The following DOK6 variants were observed in gnomAD, a reference collection of about 807,000 sequenced individuals.
DOK6 encodes the protein docking protein 6, also known as downstream of tyrosine kinase 6.
Under a neutral mutation model 44.0 loss-of-function variants are expected in DOK6, and 22 were observed. The observed-to-expected ratio is 0.50, with a 90% CI of 0.36 to 0.71. The LOEUF is 0.71. DOK6 is among the 30% of genes least tolerant of loss of function. DOK6 has a pLI of 0.00. For synonymous variants in DOK6, 166 were observed against 145.5 expected, an observed-to-expected ratio of 1.14 and a Z score of -1.01; for missense variants, 340 against 416.4, an observed-to-expected ratio of 0.82 and a Z score of 1.60.
intron 4 of DOK6, among the ~76,000 whole-genome samples, chr18:69,681,709 A>G (rs1986049293): frequency 6.6e-6 from 1 of 152,216 alleles, no homozygotes; most frequent in Admixed American, 6.5e-5. Flanking sequence ...TACTGACCAT[A>G]AAAAATATTA....
Position 69,642,262 on chromosome 18 carries a change from A to T in DOK6, c.290-35472A>T, listed in dbSNP as rs192271293. Among the ~76,000 whole-genome samples the T allele has an allele frequency of 3.5e-3, 538 of 152,330 alleles. 2 individuals carry two copies. Among genetic ancestry groups the T allele is most frequent in the African/African-American group, 0.012 (510 of 41,574 alleles). Reference sequence around the variant, plus strand: ...ACCATGATCACAACCAACATATTTAATACTGATAAAAGAATACAGGTACAT... The same window carrying T: ...ACCATGATCACAACCAACATATTTATTACTGATAAAAGAATACAGGTACAT... On this transcript the variant is annotated intron_variant, in intron 3 of 7. Coordinates refer to ENST00000382713, the MANE Select transcript of DOK6 (RefSeq NM_152721.6).
chr18:69,583,797 T>C (rs1023011783), intron 2 of DOK6, among the ~76,000 whole-genome samples: 1 of 150,180 alleles, frequency 6.7e-6, no homozygotes, highest in Non-Finnish European at 1.5e-5. Flanking sequence ...TATTATTCAA[T>C]TGACCTTAAA....
chr18:69,798,767 A>G (rs759733149), intron 7 of DOK6, among the ~76,000 whole-genome samples: 29 of 151,680 alleles, frequency 1.9e-4, no homozygotes, highest in Non-Finnish European at 2.4e-4. Flanking sequence ...TTAGAAATAA[A>G]TGTTCTGCAT....
At chr18:69,729,971 G>A (rs1978349781) in intron 5 of DOK6, among the ~76,000 whole-genome samples, 1 of 152,138 alleles carries the variant, frequency 6.6e-6, no homozygotes, top group African/African-American at 2.4e-5. Flanking sequence ...TTAAGATGAT[G>A]GGAAGGACAA....
intron 1 of DOK6, among the ~76,000 whole-genome samples, chr18:69,529,857 G>C (rs940181818): frequency 1.3e-5 from 2 of 152,026 alleles, no homozygotes; most frequent in Non-Finnish European, 2.9e-5. Flanking sequence ...CTTCAAAATT[G>C]TATCAAATGT....
intron 7 of DOK6, among the ~76,000 whole-genome samples, chr18:69,830,878 ACTT>A (rs1568138983): frequency 2.0e-5 from 3 of 152,164 alleles, no homozygotes; most frequent in Admixed American, 2.0e-4. Flanking sequence ...CCTAGGTCTG[ACTT>A]CTTCTGCACT....
chr18:69,660,248 G>T (rs1361134688), intron 3 of DOK6: 3 of 152,144 alleles, frequency 2.0e-5, no homozygotes, highest in Non-Finnish European at 4.4e-5. Flanking sequence ...TGCATAGATT[G>T]TTCATAACTC....
chr18:69,534,925 T>C (rs1241968272), intron 1 of DOK6, among the ~76,000 whole-genome samples: 1 of 152,114 alleles, frequency 6.6e-6, no homozygotes, highest in African/African-American at 2.4e-5. Context: ...TCACTTCTGC[T>C]TTCTGGCTGT....
At chr18:69,653,435 G>C (rs903547567) in intron 3 of DOK6, among the ~76,000 whole-genome samples, 7 of 152,258 alleles carry the variant, frequency 4.6e-5, no homozygotes, top group African/African-American at 1.7e-4. Flanking sequence ...TGCTTCCCGA[G>C]GTACTTGCCG....
chr18:69,665,995 C>T (rs1323430432), intron 3 of DOK6, among the ~76,000 whole-genome samples: 1 of 152,124 alleles, frequency 6.6e-6, no homozygotes, highest in African/African-American at 2.4e-5. Context: ...TTCAACCATT[C>T]ACAGGCTTTA....
At position 69,708,610 on chromosome 18, in the gene DOK6, T is replaced by C. The variant is rs192727767; in HGVS notation, c.599+10017T>C. Among the ~76,000 whole-genome samples the C allele has an allele frequency of 3.7e-3, 558 of 151,948 alleles. 5 individuals are homozygous for C. The highest frequency in any genetic ancestry group is 0.013 in the African/African-American group (541 of 41,448). On this transcript the variant is annotated intron_variant, in intron 5 of 7. Transcript: ENST00000382713. ...GACCAGCCTGACCAACATGGTGAAA[T>C]GCTGTCTTTACTAAAAATACAAAAA...
chr18:69,404,385 A>G (rs959041931), intron 1 of DOK6, among the ~76,000 whole-genome samples: 4 of 152,232 alleles, frequency 2.6e-5, no homozygotes, highest in African/African-American at 9.6e-5. Context: ...AGCAAGGCAT[A>G]TATAGCAAAA....
At chr18:69,598,517 C>T (rs1349930611) in intron 2 of DOK6, among the ~76,000 whole-genome samples, 1 of 151,950 alleles carries the variant, frequency 6.6e-6, no homozygotes, top group Non-Finnish European at 1.5e-5. Flanking sequence ...TGTCTTCTTT[C>T]TGTTAACAGT....
chr18:69,622,684 A>G (rs1166177131), intron 3 of DOK6, among the ~76,000 whole-genome samples: 1 of 152,208 alleles, frequency 6.6e-6, no homozygotes, highest in Non-Finnish European at 1.5e-5. Flanking sequence ...ACTTGAAGGT[A>G]TTGAATGGAA....
chr18:69,791,900 C>A (rs1034224795), intron 7 of DOK6, among the ~76,000 whole-genome samples: 1 of 152,058 alleles, frequency 6.6e-6, no homozygotes, highest in Non-Finnish European at 1.5e-5. Flanking sequence ...AGATTTAAGT[C>A]TTTAATCCAT....
At chr18:69,622,136 A>T (rs1984456755) in intron 3 of DOK6, among the ~76,000 whole-genome samples, 1 of 152,190 alleles carries the variant, frequency 6.6e-6, no homozygotes, top group African/African-American at 2.4e-5. Flanking sequence ...CCACATAGGA[A>T]ATCCTGTTTA....
At chr18:69,428,245 A>C (rs1978699519) in intron 1 of DOK6, among the ~76,000 whole-genome samples, 1 of 152,064 alleles carries the variant, frequency 6.6e-6, no homozygotes, top group African/African-American at 2.4e-5. Context: ...TTATTTCTAT[A>C]GTAATCTGCA....
intron 1 of DOK6, among the ~76,000 whole-genome samples, chr18:69,558,012 G>C (rs994069981): frequency 6.6e-6 from 1 of 152,146 alleles, no homozygotes; most frequent in Non-Finnish European, 1.5e-5. Context: ...ATAAGGTACT[G>C]CATTTCATTC....
At chr18:69,489,720 G>A (rs1980682432) in intron 1 of DOK6, among the ~76,000 whole-genome samples, 1 of 152,056 alleles carries the variant, frequency 6.6e-6, no homozygotes, top group African/African-American at 2.4e-5. Context: ...CATATCGAAA[G>A]CCCTGTTCAG....
Sources: allele counts gnomAD v4.1 joint callset (sites outside exome capture counted in the v4.1 genomes callset), GRCh38; gene constraint gnomAD v4.1.1; transcripts MANE v1.5; gene names NCBI Gene and HGNC (gene_info 2026-07-23, HGNC 2026-07-21).